NFU1: variants seen among roughly 807,000 people sequenced by gnomAD.
NFU1 encodes the protein NFU1 iron-sulfur cluster scaffold homolog, mitochondrial.
In NFU1, 30 loss-of-function variants were observed where a neutral mutation model predicts 32.2. The observed-to-expected ratio is 0.93, with a 90% CI of 0.70 to 1.26. The LOEUF (loss-of-function observed/expected upper bound fraction) is 1.26. NFU1 is among the 50% of genes most tolerant of loss of function. The pLI is 0.00. For synonymous variants in NFU1, 112 were observed against 104.6 expected, an observed-to-expected ratio of 1.07 and a Z score of -0.43; for missense variants, 306 against 306.6, an observed-to-expected ratio of 1.00 and a Z score of 0.02.
upstream of NFU1, among the ~76,000 whole-genome samples, chr2:69,438,871 C>G (rs1425362487): frequency 8.4e-6 from 1 of 119,544 alleles, no homozygotes; most frequent in Non-Finnish European, 1.6e-5. Flanking sequence ...TCCAACCCCC[C>G]ACCCAGTGAT....
intron 1 of NFU1, 195 bp downstream of exon 1, chr2:69,437,166 G>C: frequency 3.2e-6 from 4 of 1,259,620 alleles, no homozygotes; most frequent in East Asian, 2.6e-5. Context: ...AGTCCGCCCG[G>C]ATTAGGCCAC....
chr2:69,414,468 A>C (rs926521102), intron 5 of NFU1, among the ~76,000 whole-genome samples: 2 of 151,936 alleles, frequency 1.3e-5, no homozygotes, highest in African/African-American at 4.8e-5. Flanking sequence ...AAATACAAAA[A>C]TTAGCTGGGT....
chr2:69,431,709 A>G (rs1420139027), intron 2 of NFU1, among the ~76,000 whole-genome samples, 193 bp downstream of exon 2: 1 of 152,222 alleles, frequency 6.6e-6, no homozygotes, highest in Non-Finnish European at 1.5e-5. Context: ...TCATAGATCT[A>G]TTGGACAATA....
chr2:69,433,798 G>A (rs1346389683), intron 1 of NFU1, among the ~76,000 whole-genome samples: 1 of 152,092 alleles, frequency 6.6e-6, no homozygotes, highest in East Asian at 1.9e-4. Flanking sequence ...TTTTGAGACA[G>A]GGTCTTGTTC....
At position 69,416,830 on chromosome 2, in the gene NFU1, G is replaced by A. The variant is rs558012113; in HGVS notation, c.370-1531C>T. Among the ~76,000 whole-genome samples the A allele has an allele frequency of 7.2e-5, 11 of 152,220 alleles. No homozygotes were observed. The East Asian group carries it at 9.6e-4, about 13-fold the overall frequency. On this transcript the variant is annotated intron_variant, in intron 4 of 7. Coordinates refer to ENST00000410022, the MANE Select transcript of NFU1 (RefSeq NM_001002755.4). ...GGAGAATCGCTTGAACCCGGGAGGCGGAGGTTGCAGTGAGCCGAGATCGTG... is the reference window on the plus strand; with the variant it reads ...GGAGAATCGCTTGAACCCGGGAGGCAGAGGTTGCAGTGAGCCGAGATCGTG...
At chr2:69,432,154 T>C (rs1673660414) in intron 1 of NFU1, 149 bp from the exon 2 acceptor site, 1 of 646,696 alleles carries the variant, frequency 1.5e-6, no homozygotes, top group African/African-American at 1.8e-5. Flanking sequence ...TCATCTTCCA[T>C]CTACATTATT....
chr2:69,436,417 A>G (rs1673837710), intron 1 of NFU1, among the ~76,000 whole-genome samples: 1 of 152,226 alleles, frequency 6.6e-6, no homozygotes, highest in Non-Finnish European at 1.5e-5. Context: ...GAATTTGGAA[A>G]TGCACTAGAA....
chr2:69,409,309 A>G (rs1672804555), intron 5 of NFU1, among the ~76,000 whole-genome samples: 1 of 152,162 alleles, frequency 6.6e-6, no homozygotes, highest in Non-Finnish European at 1.5e-5. Flanking sequence ...TTTTTACTTA[A>G]TATTTTCTTT....
Position 69,431,946 on chromosome 2 carries a change from A to T in NFU1, c.122T>A (p.Val41Glu). ...TIKKQPLHQFVQRPLFPLPAA... is the reference protein window; with the variant it reads ...TIKKQPLHQFEQRPLFPLPAA... The stretch of plus-strand genomic sequence containing the variant: ...AGGTAGTGGGAAAAGTGGTCTTTGT[A>T]CAAACTGATGCAGAGGCTGTTTCTT... The change falls in exon 2 of 8, where the codon GTA (valine) becomes GAA (glutamate). Residue 41 changes from valine (V) to glutamate (E), a missense_variant. By Grantham distance (121) the Val-to-Glu change is moderately radical. Transcript: ENST00000410022. The T allele has an allele frequency of 6.2e-7, 1 of 1,613,994 alleles. No homozygotes were observed. The highest frequency in any genetic ancestry group is 1.1e-5 in the South Asian group (1 of 91,086).
upstream of NFU1, chr2:69,437,686 A>T (rs1274307347): frequency 1.7e-6 from 1 of 583,668 alleles, no homozygotes. Context: ...GTGTTTCCGT[A>T]CTTTGTTTTC....
chr2:69,417,638 G>T (rs1420926969), intron 4 of NFU1, among the ~76,000 whole-genome samples: 1 of 152,080 alleles, frequency 6.6e-6, no homozygotes, highest in African/African-American at 2.4e-5. Context: ...GGGAAACAGA[G>T]CAAGATCCCA....
chr2:69,418,293 G>A (rs985956649), intron 4 of NFU1, among the ~76,000 whole-genome samples: 8 of 152,138 alleles, frequency 5.3e-5, no homozygotes, highest in Non-Finnish European at 1.2e-4. Context: ...CCAGCTACTA[G>A]GGAGGCTGAG....
intron 5 of NFU1, among the ~76,000 whole-genome samples, chr2:69,409,965 T>C (rs749193834): frequency 5.3e-5 from 8 of 152,212 alleles, no homozygotes; most frequent in Non-Finnish European, 8.8e-5. Context: ...TCGGTTTTTG[T>C]AGTCAATGCT....
At chr2:69,408,769 T>TATATACAC (rs1219902624) in intron 5 of NFU1, among the ~76,000 whole-genome samples, 7 of 133,660 alleles carry the variant, frequency 5.2e-5, no homozygotes, top group Non-Finnish European at 9.6e-5. Context: ...TATATATATA[T>TATATACAC]ACACACACAC....
intron 1 of NFU1, among the ~76,000 whole-genome samples, chr2:69,432,638 T>C (rs1673677463): frequency 6.6e-6 from 1 of 152,162 alleles, no homozygotes; most frequent in South Asian, 2.1e-4. Context: ...CCCAGACTCT[T>C]GGTTATACAG....
chr2:69,407,715 A>G (rs1042221062), intron 5 of NFU1, among the ~76,000 whole-genome samples: 4 of 150,840 alleles, frequency 2.7e-5, no homozygotes, highest in African/African-American at 9.7e-5. Context: ...AAAAAAGGAA[A>G]AGAAAACACA....
chr2:69,437,378 G>C lies in NFU1; in HGVS notation c.45C>G (p.Ala15=). The change falls in exon 1 of 8, where the codon GCC becomes GCG. Residue 15 remains alanine, a synonymous_variant. Transcript: ENST00000410022. ...TCACCTACCGCCTGCGCAGCCCGGC[G>C]GCAACAGCCGCAGCTCCCCAGCCCC... is the stretch of plus-strand genomic sequence containing the variant. The part of the protein sequence containing the change: ...ARRGWGAAAV[A]AGLRRRFCHM... The C allele has an allele frequency of 1.2e-6, 2 of 1,608,790 alleles. No individual in the cohort carries two copies.
chr2:69,419,594 T>C lies in NFU1; in HGVS notation c.313A>G (p.Arg105Gly). 1 of 1,582,042 alleles carries C rather than the reference T, an allele frequency of 6.3e-7. No individual in the cohort carries two copies. The highest frequency in any genetic ancestry group is 8.7e-7 in the Non-Finnish European group (1 of 1,152,780). ...FRSPLARQLF[R>G]IEGVKSVFFG... ...AAGACACTTTTTACTCCTTCAATCC[T>C]AAATAACTGCCTGCAAAAAAAGAAA... Residue 105 changes from arginine (R) to glycine (G), a missense_variant, in exon 4 of 8, where the codon AGG becomes GGG. Arg to Gly is a moderately radical substitution (Grantham distance 125, BLOSUM62 -2). Coordinates refer to ENST00000410022, the MANE Select transcript of NFU1 (RefSeq NM_001002755.4).
intron 4 of NFU1, chr2:69,416,331 ATATT>A (rs1324942071): frequency 1.4e-5 from 2 of 147,218 alleles, no homozygotes; most frequent in Non-Finnish European, 3.0e-5. Flanking sequence ...ATAAAAATTA[ATATT>A]TAATTAATTT....
Sources: allele counts gnomAD v4.1 joint callset (sites outside exome capture counted in the v4.1 genomes callset), GRCh38; gene constraint gnomAD v4.1.1; transcripts MANE v1.5; gene names NCBI Gene and HGNC (gene_info 2026-07-23, HGNC 2026-07-21).